The following MYO1E variants were observed in gnomAD, a reference collection of about 807,000 sequenced individuals.
The protein encoded by MYO1E is unconventional myosin-Ie.
A neutral mutation model predicts 151.1 loss-of-function variants in MYO1E; 68 were observed. The ratio of observed to expected loss-of-function variants is 0.45; its 90% CI spans 0.37 to 0.55. The LOEUF is 0.55. Among genes scored for constraint, MYO1E ranks in the 20% least tolerant of loss-of-function variants. MYO1E has a pLI of 0.00. For synonymous variants in MYO1E, 601 were observed against 501.7 expected, an observed-to-expected ratio of 1.20 and a Z score of -2.64; for missense variants, 1,363 against 1,389.3, an observed-to-expected ratio of 0.98 and a Z score of 0.30.
intron 2 of MYO1E, among the ~76,000 whole-genome samples, chr15:59,265,985 G>A (rs1234140180): frequency 6.6e-6 from 1 of 151,594 alleles, no homozygotes; most frequent in African/African-American, 2.4e-5. Context: ...TTAAAAAAAA[G>A]TCTCAAAAAA....
At chr15:59,193,942 C>A in intron 17 of MYO1E, among the ~76,000 whole-genome samples, 1 of 152,104 alleles carries the variant, frequency 6.6e-6, no homozygotes, top group South Asian at 2.1e-4. Context: ...TTTGGGAGGC[C>A]GAGGCAGTTG....
At chr15:59,141,751 T>C (rs538315370) in intron 26 of MYO1E, among the ~76,000 whole-genome samples, 30 of 139,210 alleles carry the variant, frequency 2.2e-4, no homozygotes, top group South Asian at 1.4e-3. Context: ...TGAGTCGAGA[T>C]TGAGCCACTG....
chr15:59,360,930 T>A (rs989917878), intron 1 of MYO1E, among the ~76,000 whole-genome samples: 2 of 152,158 alleles, frequency 1.3e-5, no homozygotes, highest in Non-Finnish European at 2.9e-5. Flanking sequence ...TCTTCCACAG[T>A]GACTCTGGAC....
rs1333281831 is a variant in MYO1E, at chr15:59,333,446, T to C, written c.3+39052A>G. Among the ~76,000 whole-genome samples the C allele has an allele frequency of 2.6e-5, 4 of 152,282 alleles. No individual in the cohort carries two copies. In the East Asian group the frequency reaches 7.7e-4, roughly 29 times the overall value. ...TTTGTAGAGATGGAGTTTTGCCATGTTGGCCAGGCTAATCTCAAACTTCTG... is the reference window on the plus strand; with the variant it reads ...TTTGTAGAGATGGAGTTTTGCCATGCTGGCCAGGCTAATCTCAAACTTCTG... On this transcript the variant is annotated intron_variant, in intron 1 of 27. Transcript: ENST00000288235.
At chr15:59,270,024 A>G (rs1232700325) in intron 2 of MYO1E, among the ~76,000 whole-genome samples, 1 of 152,228 alleles carries the variant, frequency 6.6e-6, no homozygotes, top group African/African-American at 2.4e-5. Context: ...ACAAATGAGC[A>G]TGGCTGTGTT....
intron 18 of MYO1E, among the ~76,000 whole-genome samples, chr15:59,183,175 T>C (rs548484637): frequency 2.0e-5 from 3 of 151,446 alleles, no homozygotes; most frequent in African/African-American, 7.3e-5. Flanking sequence ...GAAAAAAGAG[T>C]GCATAGACTT....
intron 1 of MYO1E, among the ~76,000 whole-genome samples, chr15:59,300,857 CTTT>C (rs757041312): frequency 3.5e-5 from 5 of 143,944 alleles, no homozygotes; most frequent in African/African-American, 1.3e-4. Context: ...TCTTTTTTTC[CTTT>C]TTTTTCTTTT....
intron 6 of MYO1E, 90 bp downstream of exon 6, chr15:59,231,612 G>A: frequency 7.5e-7 from 1 of 1,327,330 alleles, no homozygotes; most frequent in South Asian, 1.2e-5. Context: ...TATGTGAAAG[G>A]CTCCCATTTC....
At chr15:59,291,587 G>A (rs1305865181) in intron 1 of MYO1E, among the ~76,000 whole-genome samples, 1 of 148,564 alleles carries the variant, frequency 6.7e-6, no homozygotes, top group Non-Finnish European at 1.5e-5. Flanking sequence ...TGTAATCCCA[G>A]CACTTTGGGA....
intron 21 of MYO1E, 66 bp from the exon 22 acceptor site, chr15:59,172,108 G>A: frequency 6.4e-7 from 1 of 1,567,526 alleles, no homozygotes; most frequent in East Asian, 2.3e-5. Context: ...TGTAATCCCA[G>A]TACTTTCGGA....
chr15:59,195,675 T>A, intron 16 of MYO1E, 108 bp from the exon 17 acceptor site: 1 of 1,084,248 alleles, frequency 9.2e-7, no homozygotes, highest in Non-Finnish European at 1.4e-6. Context: ...TAGGAATTAA[T>A]CTTCATGACA....
chr15:59,287,006 C>T (rs1481567723), intron 1 of MYO1E, among the ~76,000 whole-genome samples: 3 of 152,156 alleles, frequency 2.0e-5, no homozygotes, highest in African/African-American at 7.2e-5. Context: ...AAGGGTCCTG[C>T]AGGCTCAGGG....
intron 18 of MYO1E, among the ~76,000 whole-genome samples, chr15:59,186,705 T>C (rs767942590): frequency 4.5e-4 from 69 of 152,332 alleles, no homozygotes; most frequent in African/African-American, 1.7e-3. Flanking sequence ...TGAGTTATGA[T>C]TGCACCACTG....
At chr15:59,150,996 G>A (rs1212897170) in intron 26 of MYO1E, among the ~76,000 whole-genome samples, 1 of 148,702 alleles carries the variant, frequency 6.7e-6, no homozygotes, top group Admixed American at 6.9e-5. Flanking sequence ...GGTAGTGGAA[G>A]GGAAGAGGAG....
At chr15:59,151,053 G>A (rs867058186) in intron 26 of MYO1E, among the ~76,000 whole-genome samples, 65 of 139,180 alleles carry the variant, frequency 4.7e-4, no homozygotes, top group African/African-American at 1.4e-3. Flanking sequence ...ACACACACGC[G>A]CGCGCGCGCA....
chr15:59,147,832 G>A (rs368264517), intron 26 of MYO1E, among the ~76,000 whole-genome samples: 1 of 151,958 alleles, frequency 6.6e-6, no homozygotes, highest in South Asian at 2.1e-4. Flanking sequence ...TCCCTGTCTG[G>A]TCTCCTTGTC....
intron 1 of MYO1E, among the ~76,000 whole-genome samples, chr15:59,341,596 ATCTG>A (rs1336354911): frequency 6.6e-6 from 1 of 152,182 alleles, no homozygotes; most frequent in African/African-American, 2.4e-5. Flanking sequence ...AAAATATGAA[ATCTG>A]TCTTTCTGTG....
intron 1 of MYO1E, among the ~76,000 whole-genome samples, chr15:59,359,152 A>ACAG (rs1302256692): frequency 1.1e-4 from 16 of 152,004 alleles, no homozygotes; most frequent in Non-Finnish European, 1.5e-4. Flanking sequence ...AAGGTTGGGC[A>ACAG]CAGTAGCTGT....
chr15:59,241,747 TAAATAA>T (rs2080100949), intron 4 of MYO1E, among the ~76,000 whole-genome samples: 1 of 151,740 alleles, frequency 6.6e-6, no homozygotes, highest in Non-Finnish European at 1.5e-5. Flanking sequence ...TAAAAATTTT[TAAATAA>T]AAACAATTAA....
Sources: allele counts gnomAD v4.1 joint callset (sites outside exome capture counted in the v4.1 genomes callset), GRCh38; gene constraint gnomAD v4.1.1; transcripts MANE v1.5; gene names NCBI Gene and HGNC (gene_info 2026-07-23, HGNC 2026-07-21).